Variants in HRK observed in about 807,000 individuals in gnomAD.
HRK encodes activator of apoptosis harakiri.
A neutral mutation model predicts 5.9 loss-of-function variants in HRK; 6 were observed. The observed-to-expected ratio is 1.02, with a 90% CI of 0.56 to 2.01. The LOEUF is 2.01. Among genes scored for constraint, HRK ranks in the 30% most tolerant of loss-of-function variants. HRK has a pLI of 0.00. For missense variants in HRK, 133 were observed against 128.3 expected (o/e 1.04, Z -0.18); for synonymous variants, 85 against 65.1 (o/e 1.31, Z -1.47).
At chr12:116,867,292 C>A (rs557268321) in intron 1 of HRK, among the ~76,000 whole-genome samples, 11 of 151,888 alleles carry the variant, frequency 7.2e-5, no homozygotes, top group African/African-American at 2.4e-4. Flanking sequence ...CAGGCATGCA[C>A]CACCATGCCC....
intron 1 of HRK, among the ~76,000 whole-genome samples, chr12:116,880,340 G>T (rs950748508): frequency 2.0e-5 from 3 of 152,206 alleles, no homozygotes; most frequent in African/African-American, 7.2e-5. Flanking sequence ...CACCTCACTC[G>T]AGAAGGAGCG....
In HRK at chr12:116,862,072, C is replaced by T. The variant is rs1047102130; in HGVS notation, c.*57-606G>A. Among the ~76,000 whole-genome samples, 7 of 152,138 alleles carry T rather than the reference C, an allele frequency of 4.6e-5. No homozygotes were observed. The highest frequency in any genetic ancestry group is 7.4e-5 in the Non-Finnish European group (5 of 68,026). On this transcript the variant is annotated intron_variant, in intron 1 of 1. Coordinates refer to ENST00000257572, the MANE Select transcript of HRK (RefSeq NM_003806.4). The surrounding 1 kb of genome is among the most constrained non-coding windows in gnomAD (Gnocchi z 4.0). ...AAAGAGCACATGCAGTCTGGGGAAA[C>T]GTGGTCTATAGGAGCCCAGGGGAGG...
chr12:116,856,538 C>T lies in HRK; in HGVS notation c.*4985G>A, dbSNP rs987284960. ...CGGGGCCTTATAGAAACCAGGAACACAGGGTTAGGGCATGAGTATATAAAA... is the reference window on the plus strand; with the variant it reads ...CGGGGCCTTATAGAAACCAGGAACATAGGGTTAGGGCATGAGTATATAAAA... On this transcript the variant is annotated 3_prime_UTR_variant, in exon 2 of 2. Transcript: ENST00000257572. The surrounding 1 kb of genome is among the most constrained non-coding windows in gnomAD (Gnocchi z 4.4). 2.6e-5 allele frequency: 4 copies of T among 152,226 alleles called. No homozygotes were observed. The highest frequency in any genetic ancestry group is 9.6e-5 in the African/African-American group (4 of 41,452). The allele number at this position is 152,226 out of a possible 1,614,324, so 9.4% of individuals were successfully genotyped here. A position where few individuals can be genotyped will look rare whatever the true frequency, so the allele number is the denominator to read the frequency against.
At chr12:116,867,144 T>C (rs1218060869) in intron 1 of HRK, among the ~76,000 whole-genome samples, 1 of 142,892 alleles carries the variant, frequency 7.0e-6, no homozygotes, top group Non-Finnish European at 1.5e-5. Context: ...AAAAAAAACT[T>C]TTTTTTTTTT....
chr12:116,871,783 TGCTTGGC>T (rs1477086748), intron 1 of HRK, among the ~76,000 whole-genome samples: 8 of 151,718 alleles, frequency 5.3e-5, no homozygotes, highest in Non-Finnish European at 1.0e-4. Context: ...CAAGCCACCA[TGCTTGGC>T]TAATTTTTCT....
intron 1 of HRK, among the ~76,000 whole-genome samples, chr12:116,868,984 A>G (rs1199014194): frequency 1.5e-5 from 2 of 135,540 alleles, no homozygotes. Flanking sequence ...TTTTTTTTTT[A>G]AAGACAGGGT....
Position 116,860,191 on chromosome 12 carries a change from G to C in HRK, c.*1332C>G, listed in dbSNP as rs1032977749. ...AGAGGAAGAATACCTGCTTATGTTG[G>C]ATTTTTCGAAAATGAAAGCAAAAAA... On this transcript the variant is annotated 3_prime_UTR_variant, in exon 2 of 2. Transcript: ENST00000257572. 6.6e-6 allele frequency: 1 copy of C among 152,198 alleles called. No individual in the cohort carries two copies. Among genetic ancestry groups the C allele is most frequent in the Non-Finnish European group, 1.5e-5 (1 of 68,036 alleles). The allele number at this position is 152,198 out of a possible 1,614,324, so 9.4% of individuals were successfully genotyped here.
In HRK at chr12:116,880,977, T is replaced by G; in HGVS notation, c.*55A>C. On this transcript the variant is annotated splice_region_variant and 3_prime_UTR_variant, in exon 1 of 2. Coordinates refer to ENST00000257572, the MANE Select transcript of HRK (RefSeq NM_003806.4). The stretch of plus-strand genomic sequence containing the variant: ...GCTCTCGCTCGCTCGCTCGCGTACC[T>G]GTTGCTCGCTCCGGCTGGGTCTCGG... 2 of 1,149,652 alleles carry G rather than the reference T, an allele frequency of 1.7e-6. No homozygotes were observed. Among genetic ancestry groups the G allele is most frequent in the Non-Finnish European group, 2.2e-6 (2 of 900,556 alleles). 71.2% of individuals were successfully genotyped at this position (1,149,652 alleles called of 1,614,324 possible).
intron 1 of HRK, among the ~76,000 whole-genome samples, chr12:116,867,955 G>C (rs1346371438): frequency 3.9e-5 from 6 of 152,234 alleles, no homozygotes; most frequent in Admixed American, 3.9e-4. Context: ...CCCACTAAAG[G>C]TACCCAGGAG....
intron 1 of HRK, among the ~76,000 whole-genome samples, chr12:116,873,938 G>C (rs1410479018): frequency 6.6e-6 from 1 of 152,204 alleles, no homozygotes; most frequent in Non-Finnish European, 1.5e-5. Flanking sequence ...GTTTAGAGCA[G>C]GAAAGGAGAG....
intron 1 of HRK, among the ~76,000 whole-genome samples, chr12:116,872,520 A>G (rs1878789438): frequency 6.6e-6 from 1 of 152,094 alleles, no homozygotes; most frequent in Admixed American, 6.5e-5. Flanking sequence ...GTGCACACCT[A>G]TAATCCCAAC....
rs531326819 is a variant in HRK, at chr12:116,878,072, C to T, written c.*56+2904G>A. On this transcript the variant is annotated intron_variant, in intron 1 of 1. Coordinates refer to ENST00000257572, the MANE Select transcript of HRK (RefSeq NM_003806.4). The surrounding 1 kb of genome is among the most constrained non-coding windows in gnomAD (Gnocchi z 4.4). ...CTGGGATTACAGGTGTGCACCACCACGCTCAGCTAATTTTTGTATTTTTAG... is the reference window on the plus strand; with the variant it reads ...CTGGGATTACAGGTGTGCACCACCATGCTCAGCTAATTTTTGTATTTTTAG... Among the ~76,000 whole-genome samples, 10 of 152,220 alleles carry T rather than the reference C, an allele frequency of 6.6e-5. No individual in the cohort carries two copies. In the South Asian group the frequency reaches 1.5e-3, roughly 22 times the overall value.
At chr12:116,880,591 G>A (rs1251804633) in intron 1 of HRK, among the ~76,000 whole-genome samples, 2 of 152,174 alleles carry the variant, frequency 1.3e-5, no homozygotes, top group Non-Finnish European at 2.9e-5. Context: ...TTGGAAGTGC[G>A]ATAGATTTTA....
rs55713149 is a variant in HRK, at chr12:116,858,574, T to TCACACACACACACA, written c.*2935_*2948dup. On this transcript the variant is annotated 3_prime_UTR_variant, in exon 2 of 2. Coordinates refer to ENST00000257572, the MANE Select transcript of HRK (RefSeq NM_003806.4). ...CAGAGGCCTCCCTCTGCTTGTACGG[T>TCACACACACACACA]CACACACACACACACACACACACAC... The TCACACACACACACA allele has an allele frequency of 1.7e-5, 2 of 121,150 alleles. No individual in the cohort carries two copies. The highest frequency in any genetic ancestry group is 3.0e-5 in the African/African-American group (1 of 33,428). 7.5% of individuals were successfully genotyped at this position (121,150 alleles called of 1,614,324 possible).
intron 1 of HRK, among the ~76,000 whole-genome samples, chr12:116,870,004 C>T (rs542599632): frequency 7.2e-5 from 11 of 152,226 alleles, no homozygotes; most frequent in Non-Finnish European, 1.3e-4. Flanking sequence ...CGCTTGAACC[C>T]GGGAGGCAGA....
chr12:116,875,874 C>T (rs1453597213), intron 1 of HRK, among the ~76,000 whole-genome samples: 1 of 152,122 alleles, frequency 6.6e-6, no homozygotes. Context: ...TCATTTAACA[C>T]AGCACATAGT....
At chr12:116,871,063 C>T (rs1355509454) in intron 1 of HRK, among the ~76,000 whole-genome samples, 1 of 151,808 alleles carries the variant, frequency 6.6e-6, no homozygotes, top group African/African-American at 2.4e-5. Flanking sequence ...GGATTACAGG[C>T]ACGCGCCACC....
chr12:116,877,350 C>T (rs956777558), intron 1 of HRK, among the ~76,000 whole-genome samples: 3 of 152,072 alleles, frequency 2.0e-5, no homozygotes, highest in African/African-American at 7.2e-5. Flanking sequence ...ACCACTGGCC[C>T]GGCCTGCACT....
chr12:116,861,891 TTTTG>T (rs770628440), intron 1 of HRK, among the ~76,000 whole-genome samples: 3 of 152,206 alleles, frequency 2.0e-5, no homozygotes, highest in Non-Finnish European at 4.4e-5. Context: ...CTCTGTTCTC[TTTTG>T]TTTGTTTGTT....
Sources: allele counts gnomAD v4.1 joint callset (sites outside exome capture counted in the v4.1 genomes callset), GRCh38; gene constraint gnomAD v4.1.1; non-coding constraint Gnocchi (gnomAD v3.1); transcripts MANE v1.5; gene names NCBI Gene and HGNC (gene_info 2026-07-23, HGNC 2026-07-21).